RUBCN: variants seen among roughly 807,000 people sequenced by gnomAD.
The protein encoded by RUBCN is rubicon autophagy regulator.
Under a neutral mutation model 113.2 loss-of-function variants are expected in RUBCN, and 74 were observed. The observed-to-expected ratio is 0.65, with a 90% confidence interval of 0.54 to 0.79. RUBCN has a LOEUF of 0.79. Among genes scored for constraint, RUBCN ranks in the 30% least tolerant of loss-of-function variants. The probability of loss-of-function intolerance (pLI) is 0.00; values close to 1 mark genes in which losing one functional copy is unlikely to be tolerated. For missense variants in RUBCN, 1,109 were observed against 1,251.7 expected, an observed-to-expected ratio of 0.89 and a Z score of 1.72; for synonymous variants, 480 against 490.0, an observed-to-expected ratio of 0.98 and a Z score of 0.27.
At chr3:197,717,883 C>T in intron 2 of RUBCN, 94 bp downstream of exon 2, 2 of 1,400,562 alleles carry the variant, frequency 1.4e-6, no homozygotes, top group Admixed American at 1.7e-5. Flanking sequence ...CAGGAGTCCA[C>T]AGACCAGTGG....
intron 16 of RUBCN, among the ~76,000 whole-genome samples, chr3:197,680,051 T>C (rs1721021206): frequency 1.3e-5 from 2 of 150,042 alleles, no homozygotes; most frequent in South Asian, 4.4e-4. Context: ...CTCTGACAAC[T>C]GGCTTCAGAC....
chr3:197,719,171 G>A (rs1370590022), intron 1 of RUBCN, among the ~76,000 whole-genome samples: 3 of 152,028 alleles, frequency 2.0e-5, no homozygotes, highest in Non-Finnish European at 4.4e-5. Context: ...ATCTTACAAG[G>A]TTAACTGTTA....
chr3:197,734,811 A>G (rs1727936055), intron 1 of RUBCN, among the ~76,000 whole-genome samples: 1 of 152,222 alleles, frequency 6.6e-6, no homozygotes, highest in Non-Finnish European at 1.5e-5. Flanking sequence ...CAAATAGGCA[A>G]AGCAGAAACT....
chr3:197,678,412 C>T (rs571963757), intron 16 of RUBCN, among the ~76,000 whole-genome samples: 25 of 151,702 alleles, frequency 1.6e-4, no homozygotes, highest in African/African-American at 4.8e-4. Context: ...GACTGTCCTA[C>T]GCTCTAACTC....
intron 1 of RUBCN, among the ~76,000 whole-genome samples, chr3:197,733,948 G>A (rs1727810717): frequency 2.0e-5 from 3 of 152,152 alleles, no homozygotes; most frequent in Admixed American, 1.3e-4. Flanking sequence ...AGGCAGCATA[G>A]GGTGAGTATT....
intron 11 of RUBCN, among the ~76,000 whole-genome samples, chr3:197,689,933 T>C (rs142037065): frequency 6.6e-6 from 1 of 152,306 alleles, no homozygotes; most frequent in Non-Finnish European, 1.5e-5. Context: ...TTGAACCCAC[T>C]AACCAACCTC....
chr3:197,716,957 C>A (rs1306060127), intron 2 of RUBCN, among the ~76,000 whole-genome samples: 1 of 151,798 alleles, frequency 6.6e-6, no homozygotes, highest in Admixed American at 6.6e-5. Context: ...CCTGTCTCTA[C>A]AAAAAACACA....
Position 197,683,928 on chromosome 3 carries a change from G to A in RUBCN, c.1847+229C>T, listed in dbSNP as rs1325718565. 1.3e-5 allele frequency among the ~76,000 whole-genome samples: 2 copies of A among 152,134 alleles called. No individual in the cohort carries two copies. The highest frequency in any genetic ancestry group is 6.5e-5 in the Admixed American group (1 of 15,268). ...TCTGGTTATGATGAGAGTCAGCAGA[G>A]AAGGAATAACTCACTTCCAGCTTTG... is the stretch of plus-strand genomic sequence containing the variant. On this transcript the variant is annotated intron_variant, in intron 12 of 19. Transcript: ENST00000296343. The surrounding 1 kb of genome is among the most constrained non-coding windows in gnomAD (Gnocchi z 4.6).
chr3:197,735,781 G>A (rs1220182542), intron 1 of RUBCN, among the ~76,000 whole-genome samples: 1 of 151,944 alleles, frequency 6.6e-6, no homozygotes, highest in Non-Finnish European at 1.5e-5. Context: ...TGTAGAGACG[G>A]GGATCTCCCT....
chr3:197,701,938 A>G, intron 5 of RUBCN, 74 bp from the exon 6 acceptor site: 1 of 1,397,622 alleles, frequency 7.2e-7, no homozygotes. Flanking sequence ...GCAACGCAGT[A>G]CTGCAGAAAT....
rs1401542107 is a variant in RUBCN, at chr3:197,747,773, A to C, written c.-116+1496T>G. On this transcript the variant is annotated intron_variant, in intron 1 of 20. Transcript: ENST00000273582. ...CTTGTGCTTAGAGGATTTTAAATAT[A>C]CTTTTCATACTCACTATTCTTACTC... Among the ~76,000 whole-genome samples the C allele has an allele frequency of 1.3e-5, 2 of 152,128 alleles. 1 individual carries two copies. Among genetic ancestry groups the C allele is most frequent in the Admixed American group, 1.3e-4 (2 of 15,282 alleles).
chr3:197,693,787 A>C lies in RUBCN; in HGVS notation c.1714T>G (p.Phe572Val). The C allele has an allele frequency of 6.2e-7, 1 of 1,614,136 alleles. No individual in the cohort carries two copies. The highest frequency in any genetic ancestry group is 1.1e-5 in the South Asian group (1 of 91,082). The change falls in exon 11 of 20, where the codon TTC becomes GTC. Residue 572 changes from phenylalanine (F) to valine (V), a missense_variant. Coordinates refer to ENST00000296343, the MANE Select transcript of RUBCN (RefSeq NM_014687.4). ...AGCTGTGCCGAATCACGTGAGCTGA[A>C]CTGGGAGCTGCTGGAGGTGACCCGA... ...SFRVTSSSSQ[F>V]SSRDSAQLSD...
At chr3:197,703,397 CAAAAAAA>C (rs1165064210) in intron 5 of RUBCN, 144 bp downstream of exon 5, 192 of 155,640 alleles carry the variant, frequency 1.2e-3, no homozygotes, top group African/African-American at 4.7e-3. Context: ...GACTCTGTCT[CAAAAAAA>C]AAAAAAAAAA....
intron 5 of RUBCN, among the ~76,000 whole-genome samples, chr3:197,702,134 T>C (rs573840876): frequency 6.6e-6 from 1 of 152,342 alleles, no homozygotes; most frequent in East Asian, 1.9e-4. Flanking sequence ...CTGATGTATG[T>C]GGAATCAGAA....
chr3:197,714,827 G>C (rs1175852650), intron 2 of RUBCN, among the ~76,000 whole-genome samples: 3 of 151,844 alleles, frequency 2.0e-5, no homozygotes, highest in African/African-American at 7.3e-5. Context: ...TTAAATAGGA[G>C]GATACTAAAC....
chr3:197,704,551 A>C lies in RUBCN; in HGVS notation c.454T>G (p.Phe152Val), dbSNP rs1203537659. 1.2e-6 allele frequency: 2 copies of C among 1,613,990 alleles called. No individual in the cohort carries two copies. Among genetic ancestry groups the C allele is most frequent in the Non-Finnish European group, 8.5e-7 (1 of 1,180,020 alleles). ...AGTGGCCTCTACCTACCTGTGTAGA[A>C]TTTTCTGATATACTGTCTATCCCCG... ...LLGDRQYIRK[F>V]YTDAAFLLSD... Residue 152 changes from phenylalanine (F) to valine (V), a missense_variant, in exon 4 of 20, where the codon TTC becomes GTC. Transcript: ENST00000296343.
chr3:197,710,370 G>A (rs1468567720), intron 2 of RUBCN, among the ~76,000 whole-genome samples: 1 of 152,116 alleles, frequency 6.6e-6, no homozygotes, highest in Non-Finnish European at 1.5e-5. Context: ...GGAGGCTGAG[G>A]CGGGTGGATC....
chr3:197,747,513 A>G (rs921879229), intron 1 of RUBCN, among the ~76,000 whole-genome samples: 4 of 151,718 alleles, frequency 2.6e-5, no homozygotes, highest in African/African-American at 9.7e-5. Flanking sequence ...GAGCCACTGC[A>G]CCAGGTCGAG....
At position 197,670,005 on chromosome 3, in the gene RUBCN, C is replaced by T. The variant is rs1719637227; in HGVS notation, c.*5013G>A. Among the ~76,000 whole-genome samples the T allele has an allele frequency of 6.6e-6, 1 of 152,216 alleles. No homozygotes were observed. Among genetic ancestry groups the T allele is most frequent in the African/African-American group, 2.4e-5 (1 of 41,446 alleles). On this transcript the variant is annotated 3_prime_UTR_variant, in exon 20 of 20. Coordinates refer to ENST00000296343, the MANE Select transcript of RUBCN (RefSeq NM_014687.4). The stretch of plus-strand genomic sequence containing the variant: ...CCGGGTTCAAGCAATTCTCCTGTCT[C>T]AACCTCGCGAGTAGCTGGGATTACA...
Sources: allele counts gnomAD v4.1 joint callset (sites outside exome capture counted in the v4.1 genomes callset), GRCh38; gene constraint gnomAD v4.1.1; non-coding constraint Gnocchi (gnomAD v3.1); transcripts MANE v1.5; gene names NCBI Gene and HGNC (gene_info 2026-07-23, HGNC 2026-07-21).